TTC29: variants seen among roughly 807,000 people sequenced by gnomAD.
TTC29 encodes the protein tetratricopeptide repeat protein 29.
In TTC29, 49 loss-of-function variants were observed where a neutral mutation model predicts 58.1. The ratio of observed to expected loss-of-function variants is 0.84; its 90% CI spans 0.67 to 1.07. The LOEUF (loss-of-function observed/expected upper bound fraction) is 1.07. Ranked by LOEUF, TTC29 falls within the 50% of genes least tolerant of loss-of-function variation. The probability of loss-of-function intolerance (pLI) is 0.00; values close to 1 mark genes in which losing one functional copy is unlikely to be tolerated. For synonymous variants in TTC29, 209 were observed against 196.8 expected, an observed-to-expected ratio of 1.06 and a Z score of -0.52; for missense variants, 582 against 555.6, an observed-to-expected ratio of 1.05 and a Z score of -0.48.
intron 4 of TTC29, among the ~76,000 whole-genome samples, chr4:146,918,054 T>C (rs1221884107): frequency 1.3e-5 from 2 of 150,924 alleles, no homozygotes; most frequent in Non-Finnish European, 3.0e-5. Flanking sequence ...TTTTATGGAA[T>C]AGAATTTTTA....
intron 6 of TTC29, among the ~76,000 whole-genome samples, chr4:146,903,103 GT>G (rs1403400908): frequency 6.6e-6 from 1 of 152,044 alleles, no homozygotes; most frequent in African/African-American, 2.4e-5. Context: ...TAAGTATGAA[GT>G]TATTTTTAAA....
At chr4:146,915,502 C>G (rs1441372022) in intron 4 of TTC29, among the ~76,000 whole-genome samples, 1 of 151,876 alleles carries the variant, frequency 6.6e-6, no homozygotes, top group African/African-American at 2.4e-5. Flanking sequence ...GATATGGTTC[C>G]CACTCAAGGG....
intron 11 of TTC29, among the ~76,000 whole-genome samples, chr4:146,785,392 C>T (rs891007960): frequency 5.9e-5 from 9 of 152,060 alleles, no homozygotes; most frequent in Non-Finnish European, 1.0e-4. Flanking sequence ...ATGGCAGCAA[C>T]AAAAATGTTT....
At chr4:146,758,505 C>T (rs1253894815) in intron 11 of TTC29, among the ~76,000 whole-genome samples, 3 of 152,120 alleles carry the variant, frequency 2.0e-5, no homozygotes, top group African/African-American at 7.2e-5. Context: ...CAGATATATA[C>T]AGAACGTTTC....
chr4:146,839,357 C>A (rs1320721326), intron 8 of TTC29, among the ~76,000 whole-genome samples: 12 of 151,922 alleles, frequency 7.9e-5, no homozygotes, highest in Non-Finnish European at 1.3e-4. Flanking sequence ...ATGTTCCCAA[C>A]ACAAAGATAA....
chr4:146,871,764 A>G (rs1368155346), intron 7 of TTC29, among the ~76,000 whole-genome samples: 13 of 152,024 alleles, frequency 8.6e-5, no homozygotes, highest in Non-Finnish European at 1.5e-5. Flanking sequence ...GAATATTTAA[A>G]TAAATAGACA....
intron 11 of TTC29, among the ~76,000 whole-genome samples, chr4:146,711,500 A>G (rs991270542): frequency 5.9e-5 from 9 of 152,150 alleles, no homozygotes; most frequent in African/African-American, 2.2e-4. Flanking sequence ...TTGATCACCT[A>G]ATGTTAAAAG....
At chr4:146,864,065 T>C (rs1000038633) in intron 8 of TTC29, among the ~76,000 whole-genome samples, 1 of 152,134 alleles carries the variant, frequency 6.6e-6, no homozygotes, top group Non-Finnish European at 1.5e-5. Context: ...AAATTAACTT[T>C]CACATATAAT....
At chr4:146,905,335 T>TAC in intron 5 of TTC29, among the ~76,000 whole-genome samples, 1 of 149,674 alleles carries the variant, frequency 6.7e-6, no homozygotes, top group East Asian at 1.9e-4. Flanking sequence ...TATATATATA[T>TAC]ATATAATTAA....
chr4:146,751,190 A>G (rs550412073), intron 11 of TTC29, among the ~76,000 whole-genome samples: 34 of 152,344 alleles, frequency 2.2e-4, no homozygotes, highest in Non-Finnish European at 1.2e-4. Flanking sequence ...TATGCACCCA[A>G]CATTGGAGCA....
chr4:146,793,976 C>G (rs937834228), intron 11 of TTC29, among the ~76,000 whole-genome samples: 2 of 152,134 alleles, frequency 1.3e-5, no homozygotes, highest in Admixed American at 1.3e-4. Flanking sequence ...TAAGCATCCA[C>G]TTGGATTTTC....
chr4:146,767,735 G>A (rs1747432726), intron 11 of TTC29, among the ~76,000 whole-genome samples: 1 of 152,000 alleles, frequency 6.6e-6, no homozygotes, highest in Admixed American at 6.6e-5. Context: ...CTACATCTAT[G>A]TGCAGTATTT....
At chr4:146,721,260 C>A (rs891877806) in intron 11 of TTC29, among the ~76,000 whole-genome samples, 2 of 151,948 alleles carry the variant, frequency 1.3e-5, no homozygotes, top group Admixed American at 1.3e-4. Context: ...ATCGGTGGGT[C>A]AAATATGAAA....
In TTC29 at chr4:146,797,621, G is replaced by A. The variant is rs192651857; in HGVS notation, c.1330+5836C>T. Among the ~76,000 whole-genome samples, 251 of 151,088 alleles carry A rather than the reference G, an allele frequency of 1.7e-3. 6 individuals are homozygous for A. The East Asian group carries it at 0.025, about 15-fold the overall frequency. On this transcript the variant is annotated intron_variant, in intron 11 of 12. Transcript: ENST00000325106. ...CTTTCTGGTTTTTTTTGTTTGTCCT[G>A]TCTCTGTATGTAGTGTCCTTCCTCT...
intron 6 of TTC29, 78 bp from the exon 7 acceptor site, chr4:146,875,006 T>C: frequency 9.1e-7 from 1 of 1,097,732 alleles, no homozygotes; most frequent in Admixed American, 2.1e-5. Context: ...CGTTTTAGCT[T>C]TATTATTCAA....
chr4:146,827,430 A>G (rs1026274813), intron 9 of TTC29, among the ~76,000 whole-genome samples: 1 of 152,228 alleles, frequency 6.6e-6, no homozygotes, highest in Non-Finnish European at 1.5e-5. Context: ...AAGTATTGGT[A>G]GGATTAGGGT....
chr4:146,929,126 GA>G (rs1183871467), intron 4 of TTC29, among the ~76,000 whole-genome samples: 1 of 151,984 alleles, frequency 6.6e-6, no homozygotes, highest in African/African-American at 2.4e-5. Flanking sequence ...ATCAACATTG[GA>G]AATTTTCCAG....
At chr4:146,783,083 GTTTA>G (rs200206927) in intron 11 of TTC29, among the ~76,000 whole-genome samples, 157 of 151,568 alleles carry the variant, frequency 1.0e-3, no homozygotes, top group African/African-American at 3.4e-3. Flanking sequence ...TAACTTATTT[GTTTA>G]TTTATTTACT....
At chr4:146,910,581 A>C (rs1041280333) in intron 4 of TTC29, among the ~76,000 whole-genome samples, 11 of 152,100 alleles carry the variant, frequency 7.2e-5, no homozygotes, top group African/African-American at 2.7e-4. Flanking sequence ...TACGGTAAAA[A>C]CAACAGTGAG....
Sources: allele counts gnomAD v4.1 joint callset (sites outside exome capture counted in the v4.1 genomes callset), GRCh38; gene constraint gnomAD v4.1.1; transcripts MANE v1.5; gene names NCBI Gene and HGNC (gene_info 2026-07-23, HGNC 2026-07-21).